Variants in ATG13 observed in about 807,000 individuals in gnomAD.
The protein encoded by ATG13 is autophagy related 13, also known as autophagy-related protein 13.
In ATG13, 23 loss-of-function variants were observed where a neutral mutation model predicts 65.5. The ratio of observed to expected loss-of-function variants is 0.35; its 90% confidence interval spans 0.25 to 0.50. The LOEUF is 0.50. Ranked by LOEUF, ATG13 falls within the 20% of genes least tolerant of loss-of-function variation. The pLI, the probability that ATG13 is intolerant of heterozygous loss-of-function variation, is 0.98. For synonymous variants in ATG13, 252 were observed against 245.2 expected (o/e 1.03, Z -0.26); for missense variants, 566 against 677.0 (o/e 0.84, Z 1.82).
At chr11:46,645,565 G>T (rs111544937) in intron 4 of ATG13, 146 bp downstream of exon 4, 4 of 814,050 alleles carry the variant, frequency 4.9e-6, no homozygotes, top group South Asian at 2.1e-5. Context: ...TACTTGAAAA[G>T]GTTGTTCTTA....
intron 7 of ATG13, among the ~76,000 whole-genome samples, chr11:46,651,506 A>G (rs2058887585): frequency 6.6e-6 from 1 of 152,224 alleles, no homozygotes; most frequent in Non-Finnish European, 1.5e-5. Context: ...GCAAAGTGTG[A>G]GAGAAGAGCT....
At chr11:46,659,547 A>G (rs1451179330) in intron 11 of ATG13, 62 bp downstream of exon 11, 3 of 1,370,228 alleles carry the variant, frequency 2.2e-6, no homozygotes, top group Non-Finnish European at 3.1e-6. Flanking sequence ...GCTTTATGAA[A>G]TGGTGTCCAA....
At chr11:46,656,312 G>A in intron 8 of ATG13, 39 bp downstream of exon 8, 2 of 1,574,150 alleles carry the variant, frequency 1.3e-6, no homozygotes, top group Non-Finnish European at 1.7e-6. Flanking sequence ...AGTGTTCAGA[G>A]CTCTCCTAAC....
chr11:46,629,851 T>G (rs1035081418), intron 1 of ATG13, 194 bp from the exon 2 acceptor site: 1 of 152,240 alleles, frequency 6.6e-6, no homozygotes, highest in Admixed American at 6.5e-5. Flanking sequence ...TGACTACATA[T>G]ATCTGTTCTG....
intron 10 of ATG13, 113 bp downstream of exon 10, chr11:46,657,735 A>G (rs1387739387): frequency 1.1e-6 from 1 of 894,482 alleles, no homozygotes; most frequent in Non-Finnish European, 1.7e-6. Flanking sequence ...GCAGGGGGCC[A>G]CTGATGGAGA....
chr11:46,640,237 G>A (rs532434695), intron 2 of ATG13, among the ~76,000 whole-genome samples: 1 of 152,206 alleles, frequency 6.6e-6, no homozygotes, highest in African/African-American at 2.4e-5. Flanking sequence ...CAAGGAAGTG[G>A]GTCAAAGTAC....
chr11:46,634,364 C>G (rs576460529), intron 2 of ATG13, among the ~76,000 whole-genome samples: 1 of 151,788 alleles, frequency 6.6e-6, no homozygotes, highest in South Asian at 2.1e-4. Context: ...TCCCAAAGTG[C>G]TGGGATTGGA....
intron 2 of ATG13, among the ~76,000 whole-genome samples, chr11:46,640,834 T>C (rs898710911): frequency 2.0e-5 from 3 of 152,186 alleles, no homozygotes; most frequent in African/African-American, 7.2e-5. Flanking sequence ...CCAAGTGGTG[T>C]ATAGATTTAT....
In ATG13 at chr11:46,664,030, A is replaced by G; in HGVS notation, c.823A>G (p.Thr275Ala). 1.3e-6 allele frequency: 2 copies of G among 1,590,420 alleles called. No homozygotes were observed. The highest frequency in any genetic ancestry group is 1.1e-5 in the South Asian group (1 of 90,696). ...TACTGTCACAAAGGCACATTTTCAGACCCCTACTCCTGTGGTGACGGACAC... is the reference window on the plus strand; with the variant it reads ...TACTGTCACAAAGGCACATTTTCAGGCCCCTACTCCTGTGGTGACGGACAC... ...VFTVTKAHFQ[T>A]PTPVVTDTLR... Residue 275 changes from threonine (T) to alanine (A), a missense_variant, in exon 12 of 19, where the codon ACC (threonine) becomes GCC (alanine). Transcript: ENST00000683050.
At position 46,672,605 on chromosome 11, in the gene ATG13, T is replaced by C. The variant is rs1180367122; in HGVS notation, c.*273T>C. Reference sequence around the variant, plus strand: ...AAAAAGCCCTCAGCAGGGCCATCTGTGTGCCCTGCCCATCACCAACTGCTT... The same window carrying C: ...AAAAAGCCCTCAGCAGGGCCATCTGCGTGCCCTGCCCATCACCAACTGCTT... On this transcript the variant is annotated 3_prime_UTR_variant, in exon 19 of 19. Transcript: ENST00000683050. The C allele has an allele frequency of 7.0e-7, 1 of 1,421,800 alleles. No individual in the cohort carries two copies. Among genetic ancestry groups the C allele is most frequent in the East Asian group, 3.3e-5 (1 of 30,206 alleles). The allele number at this position is 1,421,800 out of a possible 1,614,324, so 88.1% of individuals were successfully genotyped here.
At position 46,668,987 on chromosome 11, in the gene ATG13, G is replaced by T. The variant is rs2063073332; in HGVS notation, c.1446+77G>T. 1.0e-5 allele frequency: 12 copies of T among 1,204,316 alleles called. No homozygotes were observed. In the East Asian group the frequency reaches 2.8e-4, roughly 28 times the overall value. The allele number at this position is 1,204,316 out of a possible 1,614,324, so 74.6% of individuals were successfully genotyped here. On this transcript the variant is annotated intron_variant, in intron 17 of 18. Transcript: ENST00000683050. The stretch of plus-strand genomic sequence containing the variant: ...AGAAGCATCTACTGCACTTGATCCA[G>T]ATTTCCTTCATAGGGATCAGATGTG...
At position 46,651,543 on chromosome 11, in the gene ATG13, A is replaced by G. The variant is rs373913090; in HGVS notation, c.458+1226A>G. Among the ~76,000 whole-genome samples, 51 of 152,322 alleles carry G rather than the reference A, an allele frequency of 3.3e-4. No individual in the cohort carries two copies. The South Asian group carries it at 9.9e-3, about 30-fold the overall frequency. On this transcript the variant is annotated intron_variant, in intron 7 of 18. Transcript: ENST00000683050. ...GGAATGCTGGGGTCCCAAATCTACC[A>G]AAGATGCCTTTCTTTTGTATTTAGT...
In ATG13 at chr11:46,667,779, T is replaced by C; in HGVS notation, c.1143T>C (p.Asp381=). 6.2e-7 allele frequency: 1 copy of C among 1,603,080 alleles called. No individual in the cohort carries two copies. Among genetic ancestry groups the C allele is most frequent in the Admixed American group, 1.7e-5 (1 of 59,754 alleles). ...CTTCACCTTTCTCCTCCAGTGAGGA[T>C]ACTGAAACCGTATCAAACAGCAGTG... ...HCAATPSSSE[D]TETVSNSSEG... Residue 381 remains aspartate (D), a synonymous_variant, in exon 15 of 19, where the codon GAT becomes GAC. Coordinates refer to ENST00000683050, the MANE Select transcript of ATG13 (RefSeq NM_001346311.2).
At chr11:46,629,005 C>T (rs1417795811) in intron 1 of ATG13, among the ~76,000 whole-genome samples, 1 of 150,614 alleles carries the variant, frequency 6.6e-6, no homozygotes, top group Admixed American at 6.6e-5. Flanking sequence ...TGCAGTGGCG[C>T]GATCTTGGCT....
rs532903312 is a variant in ATG13 at position 46,656,926 on chromosome 11, C to CAT, written c.500-167_500-166dup. 1.4e-3 allele frequency: 854 copies of CAT among 627,126 alleles called. 3 individuals carry two copies. In the South Asian group the frequency reaches 0.015, roughly 11 times the overall value. 38.8% of individuals were successfully genotyped at this position (627,126 alleles called of 1,614,324 possible). ...CTATATATACACACACATACACGCA[C>CAT]ATACACACACACACACACACACATA... is the stretch of plus-strand genomic sequence containing the variant. On this transcript the variant is annotated intron_variant, in intron 8 of 18. Transcript: ENST00000683050.
At chr11:46,654,593 G>A (rs181121976) in intron 7 of ATG13, among the ~76,000 whole-genome samples, 164 of 151,408 alleles carry the variant, frequency 1.1e-3, no homozygotes, top group Non-Finnish European at 1.7e-3. Flanking sequence ...GTGGTGGCAC[G>A]TGCCTGTAGT....
At chr11:46,626,964 G>A (rs964588627) in intron 1 of ATG13, among the ~76,000 whole-genome samples, 3 of 152,200 alleles carry the variant, frequency 2.0e-5, no homozygotes, top group Non-Finnish European at 4.4e-5. Flanking sequence ...AAGAAATAAG[G>A]TCGGGTGCGG....
At chr11:46,668,007 CTG>C (rs2062766313) in intron 15 of ATG13, 120 bp downstream of exon 15, 3 of 752,234 alleles carry the variant, frequency 4.0e-6, no homozygotes, top group Non-Finnish European at 6.4e-6. Context: ...GCATGCAAAA[CTG>C]TATGTGTGTG....
intron 1 of ATG13, among the ~76,000 whole-genome samples, chr11:46,618,556 A>G (rs1162391955): frequency 4.6e-5 from 7 of 152,214 alleles, no homozygotes; most frequent in Admixed American, 4.6e-4. Context: ...CTATTTTCTC[A>G]TTACACTTAG....
Sources: allele counts gnomAD v4.1 joint callset (sites outside exome capture counted in the v4.1 genomes callset), GRCh38; gene constraint gnomAD v4.1.1; transcripts MANE v1.5; gene names NCBI Gene and HGNC (gene_info 2026-07-23, HGNC 2026-07-21).